ZMIZ1: variants seen among roughly 807,000 people sequenced by gnomAD.
The protein encoded by ZMIZ1 is zinc finger MIZ-type containing 1, also known as zinc finger MIZ domain-containing protein 1.
A neutral mutation model predicts 113.9 loss-of-function variants in ZMIZ1; 17 were observed. That is an observed-to-expected ratio of 0.15 (90% CI 0.10 to 0.22). The LOEUF is 0.22. Among genes scored for constraint, ZMIZ1 ranks in the 10% least tolerant of loss-of-function variants. The probability of loss-of-function intolerance (pLI) is 1.00; values close to 1 mark genes in which losing one functional copy is unlikely to be tolerated. For synonymous variants in ZMIZ1, 607 were observed against 603.1 expected (o/e 1.01, Z -0.09); for missense variants, 1,059 against 1,477.8 (o/e 0.72, Z 4.65).
chr10:79,244,103 A>C (rs1353798176), intron 7 of ZMIZ1, among the ~76,000 whole-genome samples: 3 of 152,224 alleles, frequency 2.0e-5, no homozygotes, highest in African/African-American at 7.2e-5. Context: ...ATGCCTTCGG[A>C]GGCAGCGCCT....
At chr10:79,261,966 C>T (rs1851298417) in intron 7 of ZMIZ1, among the ~76,000 whole-genome samples, 1 of 152,118 alleles carries the variant, frequency 6.6e-6, no homozygotes, top group Non-Finnish European at 1.5e-5. Context: ...GTCTCATAGG[C>T]CAGGGAGAGA....
intron 1 of ZMIZ1, among the ~76,000 whole-genome samples, chr10:79,073,007 A>G (rs1188002043): frequency 1.3e-5 from 2 of 152,176 alleles, no homozygotes; most frequent in African/African-American, 4.8e-5. Context: ...TTTAGAGAGG[A>G]TGAAGGGAGA....
In ZMIZ1 at chr10:79,315,496, A is replaced by G. The variant is rs1855475290; in HGVS notation, c.*2747A>G. 1 of 152,800 alleles carries G rather than the reference A, an allele frequency of 6.5e-6. No homozygotes were observed. Among genetic ancestry groups the G allele is most frequent in the Non-Finnish European group, 1.5e-5 (1 of 68,076 alleles). 9.5% of individuals were successfully genotyped at this position (152,800 alleles called of 1,614,324 possible). ...CCAAGCATCCACCCGGCCCACAGGC[A>G]TGTTTCTGCCGCCACTCCGCAAGAT... On this transcript the variant is annotated 3_prime_UTR_variant, in exon 25 of 25. Transcript: ENST00000334512.
intron 7 of ZMIZ1, among the ~76,000 whole-genome samples, chr10:79,268,989 G>A (rs1851772244): frequency 6.6e-6 from 1 of 152,176 alleles, no homozygotes; most frequent in African/African-American, 2.4e-5. Flanking sequence ...ACCAGCGGGT[G>A]GGACAGGGAG....
At chr10:79,246,673 G>T (rs912388977) in intron 7 of ZMIZ1, among the ~76,000 whole-genome samples, 6 of 152,138 alleles carry the variant, frequency 3.9e-5, no homozygotes, top group African/African-American at 7.2e-5. Context: ...GGCCTCCCTC[G>T]CCCTCCTTCC....
At chr10:79,162,888 A>T (rs372924712) in intron 4 of ZMIZ1, among the ~76,000 whole-genome samples, 1 of 152,232 alleles carries the variant, frequency 6.6e-6, no homozygotes, top group East Asian at 1.9e-4. Context: ...CACCTTGAGG[A>T]GCAACTGAGA....
chr10:79,111,781 C>T (rs1843752798), intron 1 of ZMIZ1, among the ~76,000 whole-genome samples: 1 of 152,194 alleles, frequency 6.6e-6, no homozygotes, highest in African/African-American at 2.4e-5. Context: ...CACCCACTAT[C>T]CAGGGAATGG....
At chr10:79,304,275 T>A in intron 19 of ZMIZ1, 100 bp downstream of exon 19, 1 of 1,431,370 alleles carries the variant, frequency 7.0e-7, no homozygotes, top group Non-Finnish European at 9.4e-7. Context: ...CCTAACACTG[T>A]CCTGAAGGAC....
chr10:79,281,644 G>T (rs965792356), intron 8 of ZMIZ1, among the ~76,000 whole-genome samples: 4 of 152,202 alleles, frequency 2.6e-5, no homozygotes, highest in Non-Finnish European at 5.9e-5. Flanking sequence ...GTCTGTCAGA[G>T]AAAGGAAAGC....
intron 7 of ZMIZ1, among the ~76,000 whole-genome samples, chr10:79,273,097 G>A (rs1346601180): frequency 6.6e-6 from 1 of 152,182 alleles, no homozygotes; most frequent in African/African-American, 2.4e-5. Context: ...TTTGTTTAGG[G>A]GTCAGAAGCA....
chr10:79,285,294 G>A (rs994498069), intron 8 of ZMIZ1, among the ~76,000 whole-genome samples: 15 of 152,238 alleles, frequency 9.9e-5, no homozygotes, highest in Non-Finnish European at 1.3e-4. Context: ...CTTGCATCTA[G>A]AAGTCACTCA....
At chr10:79,163,694 G>A (rs1271402366) in intron 4 of ZMIZ1, among the ~76,000 whole-genome samples, 7 of 152,338 alleles carry the variant, frequency 4.6e-5, no homozygotes, top group Middle Eastern at 3.4e-3. Context: ...GGCCAGGGGC[G>A]GGGCCCCAGG....
intron 7 of ZMIZ1, among the ~76,000 whole-genome samples, chr10:79,242,697 T>C (rs1018542078): frequency 2.0e-5 from 3 of 151,474 alleles, no homozygotes; most frequent in African/African-American, 7.3e-5. Context: ...CGCCAGCGCC[T>C]TCCCGGCGGC....
At chr10:79,094,803 G>T (rs542036500) in intron 1 of ZMIZ1, among the ~76,000 whole-genome samples, 13 of 152,322 alleles carry the variant, frequency 8.5e-5, no homozygotes, top group African/African-American at 3.1e-4. Context: ...ACAAAAACTA[G>T]CTGAGCATGG....
At chr10:79,287,119 C>T (rs1853140015) in intron 8 of ZMIZ1, among the ~76,000 whole-genome samples, 1 of 152,198 alleles carries the variant, frequency 6.6e-6, no homozygotes, top group South Asian at 2.1e-4. Flanking sequence ...AAAAGCGTGA[C>T]CTGTAGAGCC....
intron 1 of ZMIZ1, among the ~76,000 whole-genome samples, chr10:79,076,558 G>T (rs925844397): frequency 6.6e-6 from 1 of 152,156 alleles, no homozygotes. Context: ...AAACAGGGCC[G>T]GGCACAGTGG....
At position 79,253,848 on chromosome 10, in the gene ZMIZ1, GCACACATGGCCCCA is replaced by G. The variant is rs146813105; in HGVS notation, c.281-23326_281-23313del. Among the ~76,000 whole-genome samples the G allele has an allele frequency of 6.1e-4, 93 of 152,212 alleles. 1 individual carries two copies. In the East Asian group the frequency reaches 0.017, roughly 28 times the overall value. ...ATGCCCTGTGTGGATGCATGGGCCT[GCACACATGGCCCCA>G]CACACAGGTACATGCACACACACAC... On this transcript the variant is annotated intron_variant, in intron 7 of 24. Coordinates refer to ENST00000334512, the MANE Select transcript of ZMIZ1 (RefSeq NM_020338.4).
chr10:79,299,004 T>C (rs1360719924), intron 15 of ZMIZ1, 46 bp from the exon 16 acceptor site: 4 of 1,571,986 alleles, frequency 2.5e-6, no homozygotes, highest in African/African-American at 2.7e-5. Context: ...CCAGAACCCA[T>C]GGCAGCTGAG....
chr10:79,075,646 G>A (rs932880004), intron 1 of ZMIZ1, among the ~76,000 whole-genome samples: 1 of 151,518 alleles, frequency 6.6e-6, no homozygotes, highest in Non-Finnish European at 1.5e-5. Flanking sequence ...CACTGGCCCT[G>A]CTGGCCAGGG....
Sources: gnomAD v4.1 joint callset for allele counts (sites outside exome capture counted in the v4.1 genomes callset) on GRCh38, gnomAD v4.1.1 for gene constraint, MANE v1.5 for transcripts, NCBI Gene and HGNC (gene_info 2026-07-23, HGNC 2026-07-21) for gene names.